TJP1: variants seen among roughly 807,000 people sequenced by gnomAD.
TJP1 encodes the protein tight junction protein 1, also known as tight junction protein ZO-1.
TJP1 carries 43 observed loss-of-function variants against 194.2 expected under a neutral mutation model. The ratio of observed to expected loss-of-function variants is 0.22; its 90% confidence interval spans 0.17 to 0.29. The LOEUF (loss-of-function observed/expected upper bound fraction) is 0.29. Ranked by LOEUF, TJP1 falls within the 10% of genes least tolerant of loss-of-function variation. The pLI is 1.00. For synonymous variants in TJP1, 801 were observed against 779.0 expected (o/e 1.03, Z -0.47); for missense variants, 1,971 against 2,185.7 (o/e 0.90, Z 1.96).
chr15:29,920,903 G>C (rs972945844), intron 2 of TJP1, among the ~76,000 whole-genome samples: 2 of 152,290 alleles, frequency 1.3e-5, no homozygotes, highest in African/African-American at 4.8e-5. Flanking sequence ...TTAACCCTCA[G>C]CATTCCTGCG....
intron 2 of TJP1, among the ~76,000 whole-genome samples, chr15:29,850,526 A>G (rs2051600340): frequency 6.6e-6 from 1 of 151,850 alleles, no homozygotes; most frequent in East Asian, 2.0e-4. Flanking sequence ...TAGTAGAGAC[A>G]GGGTTTCATC....
In TJP1 at chr15:29,761,240, T is replaced by G; in HGVS notation, c.909A>C (p.Ser303=). Residue 303 remains serine (S), a synonymous_variant, in exon 8 of 28, where the codon TCA becomes TCC. Transcript: ENST00000614355. ...GGCTGCGGCGGGGAGGCCTATCGTG[T>G]GATCGACCAGAATGATCTGATGCCA... ...QSLASDHSGR[S]HDRPPRRSRS... 6.2e-7 allele frequency: 1 copy of G among 1,614,136 alleles called. No individual in the cohort carries two copies. Among genetic ancestry groups the G allele is most frequent in the South Asian group, 1.1e-5 (1 of 91,080 alleles).
intron 2 of TJP1, among the ~76,000 whole-genome samples, chr15:29,883,953 C>G (rs1436537547): frequency 6.6e-6 from 1 of 152,140 alleles, no homozygotes; most frequent in East Asian, 1.9e-4. Flanking sequence ...TATTAATAAA[C>G]AAAATGCTTG....
chr15:29,837,553 C>T (rs1024355683), intron 2 of TJP1, among the ~76,000 whole-genome samples: 2 of 151,932 alleles, frequency 1.3e-5, no homozygotes, highest in African/African-American at 4.8e-5. Context: ...AGAGAAACTC[C>T]GTCTCAAAAA....
intron 2 of TJP1, among the ~76,000 whole-genome samples, chr15:29,911,817 C>T (rs1034946865): frequency 1.3e-5 from 2 of 152,196 alleles, no homozygotes; most frequent in African/African-American, 4.8e-5. Flanking sequence ...GTTAAGCATG[C>T]ATTCCTCTGT....
intron 2 of TJP1, among the ~76,000 whole-genome samples, chr15:29,832,779 A>G (rs1427594066): frequency 1.3e-5 from 2 of 152,224 alleles, no homozygotes; most frequent in South Asian, 2.1e-4. Flanking sequence ...TCCTTGGAAG[A>G]CTAAAAAGGT....
intron 2 of TJP1, among the ~76,000 whole-genome samples, chr15:29,794,098 T>G (rs1403255321): frequency 6.6e-6 from 1 of 152,206 alleles, no homozygotes; most frequent in Non-Finnish European, 1.5e-5. Flanking sequence ...CCTGGGCTTT[T>G]CTTTGATGAT....
intron 2 of TJP1, among the ~76,000 whole-genome samples, chr15:29,838,622 G>C (rs1010473623): frequency 6.6e-6 from 1 of 151,992 alleles, no homozygotes; most frequent in Non-Finnish European, 1.5e-5. Context: ...CTGTGTGTGT[G>C]TGTGTGTGTG....
At chr15:29,758,562 A>C (rs2045797889) in intron 8 of TJP1, among the ~76,000 whole-genome samples, 4 of 152,234 alleles carry the variant, frequency 2.6e-5, no homozygotes, top group South Asian at 2.1e-4. Context: ...CTAATGGCCC[A>C]ACATTTGAGA....
In TJP1 at chr15:29,705,700, C is replaced by A. The variant is rs755464953; in HGVS notation, c.4896G>T (p.Val1632=). 3 of 1,614,154 alleles carry A rather than the reference C, an allele frequency of 1.9e-6. No individual in the cohort carries two copies. Among genetic ancestry groups the A allele is most frequent in the Non-Finnish European group, 2.5e-6 (3 of 1,180,046 alleles). Residue 1632 remains valine (V), a synonymous_variant, in exon 26 of 28, where the codon GTG becomes GTT. Transcript: ENST00000614355. ...TAAATATGCCTCGGGCTGTGGCCACCACAGTATGACCATCTTCATCTTCAT... is the reference window on the plus strand; with the variant it reads ...TAAATATGCCTCGGGCTGTGGCCACAACAGTATGACCATCTTCATCTTCAT... ...EEDEDEDGHT[V]VATARGIFNS...
chr15:29,924,110 G>C (rs2054452450), intron 2 of TJP1, among the ~76,000 whole-genome samples: 1 of 152,176 alleles, frequency 6.6e-6, no homozygotes, highest in South Asian at 2.1e-4. Flanking sequence ...AACTAAATCT[G>C]TCACCCAAAC....
chr15:29,902,965 C>T (rs373080998), intron 2 of TJP1, among the ~76,000 whole-genome samples: 13 of 151,962 alleles, frequency 8.6e-5, no homozygotes, highest in African/African-American at 2.7e-4. Context: ...ACCTGGAAGG[C>T]GGAAATTGTC....
intron 2 of TJP1, among the ~76,000 whole-genome samples, chr15:29,946,824 C>T (rs1209024354): frequency 2.0e-5 from 3 of 152,160 alleles, no homozygotes; most frequent in South Asian, 2.1e-4. Context: ...CATAAGCTGT[C>T]AGAAATTGGG....
intron 1 of TJP1, among the ~76,000 whole-genome samples, chr15:29,966,517 TA>T (rs1243218965): frequency 6.6e-6 from 1 of 151,790 alleles, no homozygotes; most frequent in Non-Finnish European, 1.5e-5. Flanking sequence ...AATAAATAAA[TA>T]AATAAATAAT....
chr15:29,933,084 T>TCA (rs1489932306), intron 2 of TJP1, among the ~76,000 whole-genome samples: 2 of 152,254 alleles, frequency 1.3e-5, no homozygotes, highest in African/African-American at 4.8e-5. Context: ...CCCTCATGCA[T>TCA]CACACACACA....
At chr15:29,933,484 C>T (rs1027972369) in intron 2 of TJP1, among the ~76,000 whole-genome samples, 1 of 152,140 alleles carries the variant, frequency 6.6e-6, no homozygotes, top group Non-Finnish European at 1.5e-5. Flanking sequence ...TAACATTCAA[C>T]TGCCAATCCT....
chr15:29,795,338 G>A (rs1289213575), intron 2 of TJP1, among the ~76,000 whole-genome samples: 2 of 150,740 alleles, frequency 1.3e-5, no homozygotes, highest in African/African-American at 4.9e-5. Flanking sequence ...CAGGAGAATC[G>A]CTTCAACCGC....
exon 2 of TJP1, chr15:29,956,257 T>G: frequency 7.8e-7 from 1 of 1,288,610 alleles, no homozygotes; most frequent in Non-Finnish European, 1.0e-6. Context: ...ATCCATGCTA[T>G]CAAGGCTTTT....
chr15:29,792,098 T>A (rs1295126484), intron 2 of TJP1, among the ~76,000 whole-genome samples: 1 of 152,228 alleles, frequency 6.6e-6, no homozygotes, highest in Non-Finnish European at 1.5e-5. Flanking sequence ...GTTGACTGTT[T>A]GTTGTGCAGC....
Sources: gnomAD v4.1 joint callset for allele counts (sites outside exome capture counted in the v4.1 genomes callset) on GRCh38, gnomAD v4.1.1 for gene constraint, MANE v1.5 for transcripts, NCBI Gene and HGNC (gene_info 2026-07-23, HGNC 2026-07-21) for gene names.